The following SIM1 variants were observed in gnomAD, a reference collection of about 807,000 sequenced individuals.
SIM1 encodes SIM bHLH transcription factor 1, also known as single-minded homolog 1.
A neutral mutation model predicts 78.2 loss-of-function variants in SIM1; 18 were observed. The observed-to-expected ratio is 0.23, with a 90% confidence interval of 0.16 to 0.34. SIM1 has a LOEUF of 0.34. Among genes scored for constraint, SIM1 ranks in the 10% least tolerant of loss-of-function variants. The probability of loss-of-function intolerance (pLI) is 1.00; values close to 1 mark genes in which losing one functional copy is unlikely to be tolerated. For synonymous variants in SIM1, 417 were observed against 385.2 expected, an observed-to-expected ratio of 1.08 and a Z score of -0.97; for missense variants, 939 against 975.1, an observed-to-expected ratio of 0.96 and a Z score of 0.49.
At chr6:100,436,383 C>A (rs933341624) in intron 9 of SIM1, among the ~76,000 whole-genome samples, 1 of 152,184 alleles carries the variant, frequency 6.6e-6, no homozygotes, top group African/African-American at 2.4e-5. Flanking sequence ...TAGTCCTAAC[C>A]AATTGAAGGA....
chr6:100,448,385 C>T (rs758968335), intron 7 of SIM1, 94 bp downstream of exon 7: 46 of 1,435,062 alleles, frequency 3.2e-5, no homozygotes, highest in Middle Eastern at 2.1e-4. Flanking sequence ...GCCTCATGTG[C>T]AAAATGGGCT....
intron 9 of SIM1, among the ~76,000 whole-genome samples, chr6:100,435,194 AAG>A (rs1455594578): frequency 6.6e-6 from 1 of 152,324 alleles, no homozygotes; most frequent in Non-Finnish European, 1.5e-5. Flanking sequence ...CATATTAAAA[AAG>A]AGAGTAAACT....
At chr6:100,457,106 T>C (rs1209983864) in intron 2 of SIM1, among the ~76,000 whole-genome samples, 2 of 152,204 alleles carry the variant, frequency 1.3e-5, no homozygotes, top group Non-Finnish European at 2.9e-5. Flanking sequence ...AGCTTTTCCT[T>C]CGGAATGAAT....
rs936492339 is a variant in SIM1, at chr6:100,387,436, C to T, written c.*2925G>A. On this transcript the variant is annotated 3_prime_UTR_variant, in exon 12 of 12. Coordinates refer to ENST00000369208, the MANE Select transcript of SIM1 (RefSeq NM_005068.3). Reference sequence around the variant, plus strand: ...AACAAAATAATGTAGATTATAAACACATTTTAACACATTCACATGTATATT... The same window carrying T: ...AACAAAATAATGTAGATTATAAACATATTTTAACACATTCACATGTATATT... 1 of 151,984 alleles carries T rather than the reference C, an allele frequency of 6.6e-6. No individual in the cohort carries two copies. The highest frequency in any genetic ancestry group is 2.4e-5 in the African/African-American group (1 of 41,412). 9.4% of individuals were successfully genotyped at this position (151,984 alleles called of 1,614,324 possible).
Position 100,393,843 on chromosome 6 carries a change from T to A in SIM1, c.1214A>T (p.Gln405Leu), listed in dbSNP as rs756305046. 5.6e-6 allele frequency: 9 copies of A among 1,603,054 alleles called. No individual in the cohort carries two copies. In the East Asian group the frequency reaches 2.0e-4, roughly 36 times the overall value. The change falls in exon 11 of 12, where the codon CAG (glutamine) becomes CTG (leucine). Residue 405 changes from glutamine to leucine, a missense_variant. Gln to Leu is a moderately radical substitution (Grantham distance 113, BLOSUM62 -2). Around this residue, in one of 5 missense-constraint regions of SIM1, gnomAD observed 556 missense variants for 521.9 expected, o/e 1.07. Coordinates refer to ENST00000369208, the MANE Select transcript of SIM1 (RefSeq NM_005068.3). ...GTCGGTCAAGGGACTTCCGCCCCAC[T>A]GGCTGTCATGATCAGATTCCGATCT... ...TERSESDHDS[Q>L]WGGSPLTDTA...
At chr6:100,444,033 T>C (rs183905897) in intron 9 of SIM1, among the ~76,000 whole-genome samples, 170 of 152,220 alleles carry the variant, frequency 1.1e-3, no homozygotes, top group African/African-American at 3.9e-3. Context: ...TAAAAATACA[T>C]GTAGTCTGAA....
At chr6:100,415,844 T>C (rs1771384698) in intron 10 of SIM1, among the ~76,000 whole-genome samples, 2 of 152,054 alleles carry the variant, frequency 1.3e-5, no homozygotes, top group Admixed American at 6.6e-5. Flanking sequence ...ATAAGACAGC[T>C]TGGGCACAGA....
chr6:100,444,765 A>C (rs1408044783), intron 9 of SIM1, among the ~76,000 whole-genome samples: 1 of 152,162 alleles, frequency 6.6e-6, no homozygotes, highest in Admixed American at 6.5e-5. Context: ...GGCATATTTT[A>C]ACTTCAGCAA....
chr6:100,397,617 A>G (rs1484173203), intron 10 of SIM1, among the ~76,000 whole-genome samples: 3 of 152,296 alleles, frequency 2.0e-5, no homozygotes, highest in South Asian at 4.1e-4. Flanking sequence ...GGACTAGGTA[A>G]GGAGTTTTTA....
intron 2 of SIM1, among the ~76,000 whole-genome samples, chr6:100,461,846 T>C (rs1296947378): frequency 0.012 from 1,765 of 148,496 alleles, 22 homozygotes; most frequent in African/African-American, 0.032. Context: ...TCTTTCTTTT[T>C]TTTTTTTTTT....
chr6:100,390,703 G>A lies in SIM1; in HGVS notation c.1959C>T (p.Thr653=), dbSNP rs41318041. 0.019 allele frequency: 31,291 copies of A among 1,614,074 alleles called. 345 individuals carry two copies. Among genetic ancestry groups the A allele is most frequent in the Non-Finnish European group, 0.023 (27,389 of 1,179,990 alleles). ...PHENDYDNSP[T]ALSRISSPNS... ...TGGGACTACTTATCCGAGATAGTGC[G>A]GTGGGACTGTTGTCATAGTCATTTT... Residue 653 remains threonine, a synonymous_variant, in exon 12 of 12, where the codon ACC becomes ACT. Coordinates refer to ENST00000369208, the MANE Select transcript of SIM1 (RefSeq NM_005068.3).
intron 10 of SIM1, among the ~76,000 whole-genome samples, chr6:100,407,209 A>G (rs940846728): frequency 2.0e-5 from 3 of 152,208 alleles, no homozygotes; most frequent in African/African-American, 4.8e-5. Flanking sequence ...TATTCCATAT[A>G]TAAGTGAAAT....
chr6:100,401,896 A>G (rs1329482483), intron 10 of SIM1, among the ~76,000 whole-genome samples: 4 of 152,200 alleles, frequency 2.6e-5, no homozygotes, highest in Admixed American at 2.6e-4. Context: ...AATATTTTGC[A>G]TATGAAAATA....
chr6:100,460,298 A>C (rs181230232), intron 2 of SIM1, among the ~76,000 whole-genome samples: 1 of 152,284 alleles, frequency 6.6e-6, no homozygotes, highest in Non-Finnish European at 1.5e-5. Flanking sequence ...GCCTGTATTT[A>C]AGGTGTATTT....
chr6:100,412,608 AAAGGAAAGAAAG>A (rs1260301685), intron 10 of SIM1, among the ~76,000 whole-genome samples: 2 of 104,598 alleles, frequency 1.9e-5, no homozygotes, highest in Non-Finnish European at 3.9e-5. Context: ...AGAAAGAAAG[AAAGGAAAGAAAG>A]AAGGAAAGAA....
intron 2 of SIM1, among the ~76,000 whole-genome samples, chr6:100,460,905 C>G (rs947179872): frequency 6.6e-6 from 1 of 152,180 alleles, no homozygotes; most frequent in Non-Finnish European, 1.5e-5. Flanking sequence ...TCCCTAGGAG[C>G]CAGCTGTTCT....
chr6:100,433,670 G>C (rs572750903), intron 9 of SIM1, among the ~76,000 whole-genome samples: 1 of 151,964 alleles, frequency 6.6e-6, no homozygotes, highest in East Asian at 1.9e-4. Flanking sequence ...CTGGGAGGTC[G>C]AGGTGCGGTG....
At chr6:100,400,467 GA>G (rs990383221) in intron 10 of SIM1, among the ~76,000 whole-genome samples, 14 of 150,632 alleles carry the variant, frequency 9.3e-5, no homozygotes, top group South Asian at 4.2e-4. Context: ...GCTTCAACCT[GA>G]AAAAAAAACT....
chr6:100,463,066 T>C (rs1443253054), intron 2 of SIM1: 1 of 461,240 alleles, frequency 2.2e-6, no homozygotes, highest in East Asian at 3.1e-5. Context: ...CAAACATATC[T>C]GATGGACTGA....
Sources: allele counts gnomAD v4.1 joint callset (sites outside exome capture counted in the v4.1 genomes callset), GRCh38; gene constraint gnomAD v4.1.1; regional missense constraint gnomAD v4.1.1; transcripts MANE v1.5; gene names NCBI Gene and HGNC (gene_info 2026-07-23, HGNC 2026-07-21).